NKAIN3: variants seen among roughly 807,000 people sequenced by gnomAD.
NKAIN3 encodes sodium/potassium-transporting ATPase subunit beta-1-interacting protein 3.
Under a neutral mutation model 30.2 loss-of-function variants are expected in NKAIN3, and 25 were observed. The ratio of observed to expected loss-of-function variants is 0.83; its 90% confidence interval spans 0.60 to 1.16. NKAIN3 has a LOEUF of 1.16. Ranked by LOEUF, NKAIN3 falls within the 50% of genes most tolerant of loss-of-function variation. The pLI, the probability that NKAIN3 is intolerant of heterozygous loss-of-function variation, is 0.00. For synonymous variants in NKAIN3, 91 were observed against 89.6 expected (o/e 1.02, Z -0.09); for missense variants, 225 against 254.1 (o/e 0.89, Z 0.78).
chr8:62,372,151 A>T (rs1816930867), intron 1 of NKAIN3, among the ~76,000 whole-genome samples: 1 of 151,970 alleles, frequency 6.6e-6, no homozygotes, highest in Non-Finnish European at 1.5e-5. Flanking sequence ...GATTTTAACA[A>T]GGAATTTATA....
rs142831927 is a variant in NKAIN3 at position 62,619,293 on chromosome 8, T to C, written c.273+29499T>C. 6.9e-4 allele frequency among the ~76,000 whole-genome samples: 105 copies of C among 152,296 alleles called. 1 individual carries two copies. In the Middle Eastern group the frequency reaches 0.01, roughly 15 times the overall value. On this transcript the variant is annotated intron_variant, in intron 3 of 6. Coordinates refer to ENST00000623646, the MANE Select transcript of NKAIN3 (RefSeq NM_001304533.3). ...AGGAAAATGTGACCAGCATTTAATATCAACACAGACCTTAAGTCTGATAAG... is the reference window on the plus strand; with the variant it reads ...AGGAAAATGTGACCAGCATTTAATACCAACACAGACCTTAAGTCTGATAAG...
intron 1 of NKAIN3, among the ~76,000 whole-genome samples, chr8:62,374,435 G>C (rs1817011936): frequency 6.6e-6 from 1 of 152,184 alleles, no homozygotes; most frequent in South Asian, 2.1e-4. Flanking sequence ...CTGCAGGAGT[G>C]ATGCAGTACA....
At chr8:62,316,637 CA>C (rs1289388989) in intron 1 of NKAIN3, among the ~76,000 whole-genome samples, 1 of 152,104 alleles carries the variant, frequency 6.6e-6, no homozygotes, top group Non-Finnish European at 1.5e-5. Flanking sequence ...CATAGTATTC[CA>C]TGGTGTATAT....
At chr8:62,890,287 C>A (rs1821264280) in intron 4 of NKAIN3, among the ~76,000 whole-genome samples, 1 of 152,090 alleles carries the variant, frequency 6.6e-6, no homozygotes, top group African/African-American at 2.4e-5. Flanking sequence ...TACTCAATAC[C>A]AAATAGATGT....
chr8:62,807,849 C>A (rs1425618578), intron 4 of NKAIN3, among the ~76,000 whole-genome samples: 1 of 150,070 alleles, frequency 6.7e-6, no homozygotes, highest in East Asian at 1.9e-4. Flanking sequence ...ACAATTTTAT[C>A]AATTTTATAA....
At position 62,312,352 on chromosome 8, in the gene NKAIN3, G is replaced by A. The variant is rs1245201330; in HGVS notation, c.54+63225G>A. 2.7e-5 allele frequency among the ~76,000 whole-genome samples: 4 copies of A among 150,510 alleles called. 1 individual carries two copies. The highest frequency in any genetic ancestry group is 5.0e-5 in the African/African-American group (2 of 39,894). ...ATTAGGGTTTGGAAGAAAATATTAG[G>A]CTCTTAAGCAAAAAATATTGATGAG... On this transcript the variant is annotated intron_variant, in intron 1 of 6. Transcript: ENST00000623646.
chr8:62,769,981 T>C (rs1816964029), intron 4 of NKAIN3, among the ~76,000 whole-genome samples: 1 of 152,186 alleles, frequency 6.6e-6, no homozygotes, highest in Non-Finnish European at 1.5e-5. Flanking sequence ...TGCATAATCC[T>C]CTCCTCTTGA....
At chr8:62,269,959 T>A (rs141478270) in intron 1 of NKAIN3, among the ~76,000 whole-genome samples, 613 of 152,314 alleles carry the variant, frequency 4.0e-3, no homozygotes, top group African/African-American at 0.014. Flanking sequence ...AAAAAAGTAA[T>A]TTATGTTAAA....
intron 4 of NKAIN3, among the ~76,000 whole-genome samples, chr8:62,860,292 C>T (rs1201707555): frequency 6.6e-6 from 1 of 152,196 alleles, no homozygotes; most frequent in Admixed American, 6.5e-5. Flanking sequence ...TAAATGTAAT[C>T]TCACCTCTGT....
chr8:62,479,653 A>T (rs1166960111), intron 1 of NKAIN3, among the ~76,000 whole-genome samples: 2 of 152,192 alleles, frequency 1.3e-5, no homozygotes, highest in South Asian at 2.1e-4. Context: ...GAAACACTGG[A>T]TGTGCCCAAC....
intron 4 of NKAIN3, among the ~76,000 whole-genome samples, chr8:62,849,015 C>T (rs1266088170): frequency 6.6e-6 from 1 of 152,110 alleles, no homozygotes; most frequent in Admixed American, 6.6e-5. Context: ...ATGAAGCCAA[C>T]TTGATTGTGG....
intron 5 of NKAIN3, among the ~76,000 whole-genome samples, chr8:62,936,420 A>C (rs1038435859): frequency 6.6e-6 from 1 of 152,074 alleles, no homozygotes; most frequent in Non-Finnish European, 1.5e-5. Flanking sequence ...CTCCATACCA[A>C]CTTCCTGAGC....
intron 1 of NKAIN3, among the ~76,000 whole-genome samples, chr8:62,439,550 A>T (rs974223279): frequency 1.3e-5 from 2 of 152,346 alleles, no homozygotes; most frequent in South Asian, 4.1e-4. Flanking sequence ...GAGTAAAAAA[A>T]TGTATCCAGC....
chr8:62,923,736 G>A (rs538087093), intron 5 of NKAIN3, among the ~76,000 whole-genome samples: 1 of 152,274 alleles, frequency 6.6e-6, no homozygotes, highest in Non-Finnish European at 1.5e-5. Context: ...TGGTGAAGGG[G>A]ACAGAGTTAC....
chr8:62,387,706 T>C (rs1331479341), intron 1 of NKAIN3, among the ~76,000 whole-genome samples: 1 of 152,206 alleles, frequency 6.6e-6, no homozygotes, highest in African/African-American at 2.4e-5. Context: ...TCTAGAGCTT[T>C]GAGAAAGTCA....
chr8:62,681,441 C>A (rs1026145700), intron 3 of NKAIN3, among the ~76,000 whole-genome samples: 2 of 152,058 alleles, frequency 1.3e-5, no homozygotes, highest in African/African-American at 4.8e-5. Context: ...GTTAATTTTT[C>A]TTTTATTCTC....
intron 1 of NKAIN3, among the ~76,000 whole-genome samples, chr8:62,449,283 G>A (rs767649902): frequency 6.6e-6 from 1 of 151,994 alleles, no homozygotes; most frequent in Non-Finnish European, 1.5e-5. Context: ...AGCCGGTTTA[G>A]TGGCTAAGCT....
chr8:62,944,713 G>C (rs1180602952), intron 5 of NKAIN3, among the ~76,000 whole-genome samples: 1 of 151,978 alleles, frequency 6.6e-6, no homozygotes, highest in East Asian at 1.9e-4. Flanking sequence ...TCAATTATTG[G>C]CCATCAACAT....
At chr8:62,898,017 C>T (rs1821487384) in intron 4 of NKAIN3, among the ~76,000 whole-genome samples, 1 of 152,082 alleles carries the variant, frequency 6.6e-6, no homozygotes, top group South Asian at 2.1e-4. Flanking sequence ...CAAAACAAGC[C>T]AAGACACATG....
Sources: gnomAD v4.1 joint callset for allele counts (sites outside exome capture counted in the v4.1 genomes callset) on GRCh38, gnomAD v4.1.1 for gene constraint, MANE v1.5 for transcripts, NCBI Gene and HGNC (gene_info 2026-07-23, HGNC 2026-07-21) for gene names.